Variants in LDLRAD4 observed in about 807,000 individuals in gnomAD.
LDLRAD4 encodes low density lipoprotein receptor class A domain containing 4.
LDLRAD4 carries 5 observed loss-of-function variants against 17.0 expected under a neutral mutation model. The observed-to-expected ratio is 0.29, with a 90% CI of 0.15 to 0.62. The LOEUF is 0.62. Ranked by LOEUF, LDLRAD4 falls within the 20% of genes least tolerant of loss-of-function variation. The pLI, the probability that LDLRAD4 is intolerant of heterozygous loss-of-function variation, is 0.84. For synonymous variants in LDLRAD4, 168 were observed against 171.8 expected (o/e 0.98, Z 0.17); for missense variants, 340 against 424.7 (o/e 0.80, Z 1.75).
At chr18:13,543,024 T>C (rs917814892) in intron 3 of LDLRAD4, 10 of 152,156 alleles carry the variant, frequency 6.6e-5, no homozygotes, top group Admixed American at 2.0e-4. Context: ...TACAGGCATT[T>C]TTTACACCTG....
intron 1 of LDLRAD4, among the ~76,000 whole-genome samples, chr18:13,284,960 A>G (rs980232807): frequency 6.6e-6 from 1 of 152,196 alleles, no homozygotes; most frequent in African/African-American, 2.4e-5. Context: ...GGGATGTGGC[A>G]TGTCGGACGG....
At chr18:13,252,025 T>C (rs1039479629) in intron 1 of LDLRAD4, among the ~76,000 whole-genome samples, 2 of 152,234 alleles carry the variant, frequency 1.3e-5, no homozygotes, top group Non-Finnish European at 2.9e-5. Flanking sequence ...AGATATATGA[T>C]TGTTTGGAGG....
chr18:13,642,321 C>T, intron 4 of LDLRAD4: 2 of 996,368 alleles, frequency 2.0e-6, no homozygotes, highest in South Asian at 4.7e-5. Context: ...GCTGAGTTCG[C>T]GCTCTCCCGT....
intron 3 of LDLRAD4, among the ~76,000 whole-genome samples, chr18:13,508,759 T>C (rs1470859234): frequency 6.6e-6 from 1 of 152,208 alleles, no homozygotes; most frequent in East Asian, 1.9e-4. Context: ...AGAGCTCTGA[T>C]AGAGACCTAC....
chr18:13,296,809 A>G (rs1272995777), intron 1 of LDLRAD4, among the ~76,000 whole-genome samples: 1 of 152,170 alleles, frequency 6.6e-6, no homozygotes, highest in Admixed American at 6.5e-5. Flanking sequence ...CTTTGTGTGC[A>G]TTTCTTTTCA....
intron 1 of LDLRAD4, among the ~76,000 whole-genome samples, chr18:13,220,604 C>T (rs1485441336): frequency 2.0e-5 from 3 of 152,190 alleles, no homozygotes; most frequent in Non-Finnish European, 4.4e-5. Context: ...TATTTATTTT[C>T]CCCCAACTGC....
chr18:13,376,882 C>T (rs1457006341), intron 1 of LDLRAD4, among the ~76,000 whole-genome samples: 1 of 152,220 alleles, frequency 6.6e-6, no homozygotes, highest in African/African-American at 2.4e-5. Context: ...CTAATGAACT[C>T]TTTCTGCCTG....
In LDLRAD4 at chr18:13,441,020, C is replaced by T. The variant is rs2162371; in HGVS notation, c.181+2636C>T. Among the ~76,000 whole-genome samples the T allele has an allele frequency of 8.3e-3, 1,260 of 152,280 alleles. 15 individuals carry two copies. The highest frequency in any genetic ancestry group is 0.029 in the African/African-American group (1,204 of 41,564). ...GGGCGAGTGGTCATGGGGAGACGCT[C>T]ACGGCGCGGGTTGCCTCTGGATTGT... On this transcript the variant is annotated intron_variant, in intron 3 of 5. Transcript: ENST00000359446.
intron 3 of LDLRAD4, chr18:13,520,367 C>G (rs1444867285): frequency 6.6e-6 from 1 of 152,178 alleles, no homozygotes; most frequent in African/African-American, 2.4e-5. Context: ...GTGATTCTTC[C>G]TAAATTGTAC....
intron 1 of LDLRAD4, among the ~76,000 whole-genome samples, chr18:13,354,022 C>G (rs980000505): frequency 6.6e-6 from 1 of 152,024 alleles, no homozygotes; most frequent in Non-Finnish European, 1.5e-5. Context: ...GTTAATACAA[C>G]AGTGATTTAA....
intron 3 of LDLRAD4, among the ~76,000 whole-genome samples, chr18:13,528,829 G>T (rs1040901592): frequency 6.6e-6 from 1 of 152,290 alleles, no homozygotes; most frequent in African/African-American, 2.4e-5. Flanking sequence ...TAGGATACAT[G>T]ACTCCCAGGG....
At chr18:13,224,974 T>TA (rs2041694825) in intron 1 of LDLRAD4, among the ~76,000 whole-genome samples, 2 of 152,008 alleles carry the variant, frequency 1.3e-5, no homozygotes, top group African/African-American at 2.4e-5. Context: ...TAGCTGGGAT[T>TA]ACAGGCATGC....
intron 2 of LDLRAD4, among the ~76,000 whole-genome samples, chr18:13,389,362 C>G (rs770758127): frequency 6.6e-6 from 1 of 152,088 alleles, no homozygotes; most frequent in African/African-American, 2.4e-5. Context: ...GCAGCTCCCT[C>G]GTGGATACCC....
chr18:13,584,185 T>C (rs2094904750), intron 3 of LDLRAD4, among the ~76,000 whole-genome samples: 1 of 152,218 alleles, frequency 6.6e-6, no homozygotes, highest in African/African-American at 2.4e-5. Context: ...TGGACTCCAA[T>C]TGCTTAGGGT....
At position 13,340,338 on chromosome 18, in the gene LDLRAD4, C is replaced by A. The variant is rs552168130; in HGVS notation, c.-382-47003C>A. 7.2e-5 allele frequency among the ~76,000 whole-genome samples: 11 copies of A among 152,284 alleles called. No homozygotes were observed. In the East Asian group the frequency reaches 1.9e-3, roughly 27 times the overall value. On this transcript the variant is annotated intron_variant, in intron 1 of 5. Transcript: ENST00000359446. ...ATTCTATATTTAACATTTTGAGGAA[C>A]TTCCATACTGTCTTCCACAGGGGCT... is the stretch of plus-strand genomic sequence containing the variant.
chr18:13,554,277 G>A (rs1489040436), intron 3 of LDLRAD4, among the ~76,000 whole-genome samples: 1 of 152,174 alleles, frequency 6.6e-6, no homozygotes, highest in Non-Finnish European at 1.5e-5. Flanking sequence ...AATATTTTAA[G>A]TTATGGCCAA....
At chr18:13,539,251 CTG>C (rs2094241578) in intron 3 of LDLRAD4, among the ~76,000 whole-genome samples, 2 of 152,166 alleles carry the variant, frequency 1.3e-5, no homozygotes, top group African/African-American at 4.8e-5. Flanking sequence ...GAGCATGTGA[CTG>C]TGTGAGCGCA....
intron 3 of LDLRAD4, among the ~76,000 whole-genome samples, chr18:13,460,506 A>C (rs1283225392): frequency 6.6e-6 from 1 of 152,244 alleles, no homozygotes; most frequent in Non-Finnish European, 1.5e-5. Context: ...TGATAGTTTT[A>C]GAGCAGTCCA....
chr18:13,540,706 G>T (rs2094268073), intron 3 of LDLRAD4, among the ~76,000 whole-genome samples: 1 of 152,268 alleles, frequency 6.6e-6, no homozygotes, highest in Non-Finnish European at 1.5e-5. Flanking sequence ...ATAATGAGCA[G>T]TAGGAAAGGT....
Sources: allele counts gnomAD v4.1 joint callset (sites outside exome capture counted in the v4.1 genomes callset), GRCh38; gene constraint gnomAD v4.1.1; transcripts MANE v1.5; gene names NCBI Gene and HGNC (gene_info 2026-07-23, HGNC 2026-07-21).